PARD3: variants seen among roughly 807,000 people sequenced by gnomAD.
PARD3 encodes par-3 family cell polarity regulator.
A neutral mutation model predicts 155.4 loss-of-function variants in PARD3; 75 were observed. The ratio of observed to expected loss-of-function variants is 0.48; its 90% CI spans 0.40 to 0.58. The LOEUF is 0.58. PARD3 is among the 20% of genes least tolerant of loss of function. The pLI is 0.00. For synonymous variants in PARD3, 576 were observed against 610.5 expected, an observed-to-expected ratio of 0.94 and a Z score of 0.83; for missense variants, 1,642 against 1,721.7, an observed-to-expected ratio of 0.95 and a Z score of 0.82.
intron 23 of PARD3, among the ~76,000 whole-genome samples, chr10:34,122,132 T>C (rs929888967): frequency 6.6e-6 from 1 of 152,212 alleles, no homozygotes; most frequent in African/African-American, 2.4e-5. Flanking sequence ...CCTTTCCTTT[T>C]CACTCAGTGT....
intron 18 of PARD3, among the ~76,000 whole-genome samples, chr10:34,335,670 G>A (rs1836100395): frequency 2.6e-5 from 4 of 152,112 alleles, no homozygotes; most frequent in South Asian, 2.1e-4. Flanking sequence ...CTAATCCAAC[G>A]TCAGGTTAAT....
chr10:34,296,446 G>C (rs1956915118), intron 20 of PARD3, among the ~76,000 whole-genome samples: 1 of 152,124 alleles, frequency 6.6e-6, no homozygotes, highest in Non-Finnish European at 1.5e-5. Flanking sequence ...GCCCAGGCTG[G>C]TCTCAAACTC....
intron 1 of PARD3, among the ~76,000 whole-genome samples, chr10:34,814,300 C>A (rs1435616186): frequency 1.3e-5 from 2 of 152,136 alleles, no homozygotes; most frequent in Admixed American, 1.3e-4. Context: ...CGACGGGCCG[C>A]CCCTGCCGGC....
intron 20 of PARD3, among the ~76,000 whole-genome samples, chr10:34,295,800 C>A (rs913057910): frequency 2.2e-4 from 33 of 152,162 alleles, no homozygotes; most frequent in South Asian, 8.3e-4. Flanking sequence ...AGTTCAGAGA[C>A]TCTATTGAGG....
intron 1 of PARD3, among the ~76,000 whole-genome samples, chr10:34,756,262 T>C (rs1590968212): frequency 6.7e-6 from 1 of 148,422 alleles, no homozygotes. Flanking sequence ...CACGCCATTC[T>C]CCTGCCTCAG....
chr10:34,253,388 A>G (rs1954446132), intron 22 of PARD3, among the ~76,000 whole-genome samples: 1 of 152,220 alleles, frequency 6.6e-6, no homozygotes, highest in South Asian at 2.1e-4. Context: ...CAAACCAAGA[A>G]TGTTAAATTC....
chr10:34,516,764 C>T (rs1056752297), intron 3 of PARD3, among the ~76,000 whole-genome samples: 5 of 152,116 alleles, frequency 3.3e-5, no homozygotes, highest in Non-Finnish European at 7.4e-5. Context: ...TAGCGAGTCA[C>T]GGAAAGTCTA....
At chr10:34,449,116 A>G (rs1280910056) in intron 5 of PARD3, among the ~76,000 whole-genome samples, 1 of 151,458 alleles carries the variant, frequency 6.6e-6, no homozygotes, top group Non-Finnish European at 1.5e-5. Flanking sequence ...ACAGGGTTTC[A>G]CCATGTTAGC....
intron 2 of PARD3, among the ~76,000 whole-genome samples, chr10:34,548,167 T>G (rs2084254262): frequency 6.6e-6 from 1 of 152,168 alleles, no homozygotes; most frequent in African/African-American, 2.4e-5. Context: ...TCCGTCTCAT[T>G]TCCTACAGAA....
Position 34,473,254 on chromosome 10 carries a change from C to T in PARD3, c.404-2991G>A, listed in dbSNP as rs114209370. Among the ~76,000 whole-genome samples, 748 of 152,268 alleles carry T rather than the reference C, an allele frequency of 4.9e-3. 4 individuals carry two copies. Among genetic ancestry groups the T allele is most frequent in the African/African-American group, 0.017 (725 of 41,550 alleles). ...AAATTAAAATAAATACAGTCTGGAT[C>T]TTCTATTTGCACTACCTCGTCACTG... On this transcript the variant is annotated intron_variant, in intron 3 of 24. Coordinates refer to ENST00000374788, the MANE Select transcript of PARD3 (RefSeq NM_001184785.2).
At position 34,538,027 on chromosome 10, in the gene PARD3, G is replaced by A. The variant is rs142649035; in HGVS notation, c.223-20868C>T. Among the ~76,000 whole-genome samples, 30 of 152,346 alleles carry A rather than the reference G, an allele frequency of 2.0e-4. No individual in the cohort carries two copies. The East Asian group carries it at 5.0e-3, about 25-fold the overall frequency. On this transcript the variant is annotated intron_variant, in intron 2 of 24. Coordinates refer to ENST00000374788, the MANE Select transcript of PARD3 (RefSeq NM_001184785.2). ...GGAAAAAAATCACCTCACAAAGTGTGACACTTCATCCTAAGTGTAATAAAT... is the reference window on the plus strand; with the variant it reads ...GGAAAAAAATCACCTCACAAAGTGTAACACTTCATCCTAAGTGTAATAAAT...
At chr10:34,458,734 C>G (rs2077465466) in intron 4 of PARD3, among the ~76,000 whole-genome samples, 1 of 152,060 alleles carries the variant, frequency 6.6e-6, no homozygotes, top group Non-Finnish European at 1.5e-5. Context: ...TAAAAAATTA[C>G]AAAAATGTTG....
chr10:34,488,078 A>G (rs549435991), intron 3 of PARD3, among the ~76,000 whole-genome samples: 1 of 152,236 alleles, frequency 6.6e-6, no homozygotes, highest in East Asian at 1.9e-4. Context: ...GGGACTAGCA[A>G]TTTGCCAATT....
chr10:34,423,845 G>A (rs1230679648), intron 5 of PARD3, among the ~76,000 whole-genome samples: 2 of 152,048 alleles, frequency 1.3e-5, no homozygotes, highest in African/African-American at 2.4e-5. Context: ...TCATAATGGT[G>A]TTTTTCAACT....
intron 2 of PARD3, among the ~76,000 whole-genome samples, chr10:34,628,380 C>G (rs1218455604): frequency 6.6e-6 from 1 of 152,236 alleles, no homozygotes; most frequent in Admixed American, 6.5e-5. Flanking sequence ...ATTCAGTCAA[C>G]ATTTATTGAA....
At chr10:34,448,804 C>G (rs1564726342) in intron 5 of PARD3, among the ~76,000 whole-genome samples, 1 of 150,532 alleles carries the variant, frequency 6.6e-6, no homozygotes, top group Admixed American at 6.6e-5. Context: ...GACCTTATCT[C>G]AAAAAAATTA....
intron 2 of PARD3, among the ~76,000 whole-genome samples, chr10:34,682,497 T>C (rs991511812): frequency 3.9e-5 from 6 of 152,218 alleles, no homozygotes; most frequent in African/African-American, 1.4e-4. Flanking sequence ...TGAAACTGAT[T>C]ACCTACAGAA....
At chr10:34,492,749 C>T (rs372924702) in intron 3 of PARD3, among the ~76,000 whole-genome samples, 22 of 152,290 alleles carry the variant, frequency 1.4e-4, no homozygotes, top group East Asian at 5.8e-4. Flanking sequence ...CACTTTCACA[C>T]GATATGTCAC....
intron 5 of PARD3, among the ~76,000 whole-genome samples, chr10:34,414,862 T>C (rs1309699326): frequency 2.0e-5 from 3 of 151,974 alleles, no homozygotes; most frequent in Admixed American, 1.3e-4. Context: ...ACTAAGTAAG[T>C]ACTGGGAAAA....
Sources: allele counts gnomAD v4.1 joint callset (sites outside exome capture counted in the v4.1 genomes callset), GRCh38; gene constraint gnomAD v4.1.1; transcripts MANE v1.5; gene names NCBI Gene and HGNC (gene_info 2026-07-23, HGNC 2026-07-21).